Variants in PCDHGA9 observed in about 807,000 individuals in gnomAD.
PCDHGA9 encodes protocadherin gamma subfamily A, 9, also known as protocadherin gamma-A9.
A neutral mutation model predicts 62.5 loss-of-function variants in PCDHGA9; 37 were observed. The ratio of observed to expected loss-of-function variants is 0.59; its 90% CI spans 0.46 to 0.78. The LOEUF is 0.78. PCDHGA9 is among the 30% of genes least tolerant of loss of function. PCDHGA9 has a pLI of 0.00. For missense variants in PCDHGA9, 1,138 were observed against 1,166.2 expected (o/e 0.98, Z 0.35); for synonymous variants, 459 against 484.6 (o/e 0.95, Z 0.69).
At chr5:141,418,000 G>A (rs758811293) in intron 1 of PCDHGA9, 6 of 1,613,902 alleles carry the variant, frequency 3.7e-6, no homozygotes, top group Admixed American at 1.7e-5. Context: ...GCTCGGTGGT[G>A]GGGAACCTCG....
intron 1 of PCDHGA9, chr5:141,408,023 A>G (rs2095028170): frequency 1.9e-6 from 2 of 1,054,662 alleles, no homozygotes; most frequent in Middle Eastern, 3.2e-4. Context: ...CCAACAACAG[A>G]AAGAAGAAAA....
chr5:141,431,904 T>A lies in PCDHGA9; in HGVS notation c.2424+26528T>A. On this transcript the variant is annotated intron_variant, in intron 1 of 3. Transcript: ENST00000573521. The surrounding 1 kb of genome is among the most constrained non-coding windows in gnomAD (Gnocchi z 4.8). ...CAAGATTCTGAGGAAAACGGACAGG[T>A]GATCTGTTTCATCCAAGGAAATCTG... is the stretch of plus-strand genomic sequence containing the variant. 1 of 1,613,846 alleles carries A rather than the reference T, an allele frequency of 6.2e-7. No individual in the cohort carries two copies. Among genetic ancestry groups the A allele is most frequent in the Non-Finnish European group, 8.5e-7 (1 of 1,179,708 alleles).
At position 141,487,578 on chromosome 5, in the gene PCDHGA9, C is replaced by T. The variant is rs1293087014; in HGVS notation, c.2425-7229C>T. The T allele has an allele frequency of 1.2e-6, 2 of 1,614,052 alleles. No individual in the cohort carries two copies. Among genetic ancestry groups the T allele is most frequent in the Non-Finnish European group, 1.7e-6 (2 of 1,180,044 alleles). ...CCTATGGCAGGGGAGCCTGTTCGCC[C>T]AAGCTGCCCACCCTCTGATCTTCTC... On this transcript the variant is annotated intron_variant, in intron 1 of 3. Coordinates refer to ENST00000573521, the MANE Select transcript of PCDHGA9 (RefSeq NM_018921.3). The surrounding 1 kb of genome is among the most constrained non-coding windows in gnomAD (Gnocchi z 5.0).
intron 3 of PCDHGA9, among the ~76,000 whole-genome samples, chr5:141,509,045 GC>G (rs1165443091): frequency 6.6e-6 from 1 of 152,060 alleles, no homozygotes; most frequent in Non-Finnish European, 1.5e-5. Context: ...CCTCTCCCCC[GC>G]CCCCAGAAAG....
At chr5:141,416,406 T>A (rs2096021956) in intron 1 of PCDHGA9, 1 of 152,224 alleles carries the variant, frequency 6.6e-6, no homozygotes, top group Admixed American at 6.5e-5. Context: ...TTGTCTTTTT[T>A]GTTAAATTTT....
rs530404769 is a variant in PCDHGA9, at chr5:141,423,267, G to C, written c.2424+17891G>C. On this transcript the variant is annotated intron_variant, in intron 1 of 3. Coordinates refer to ENST00000573521, the MANE Select transcript of PCDHGA9 (RefSeq NM_018921.3). ...TCCTGGCGGACCTCGGCAGCCTCGA[G>C]TCTCTGGCTAACTCTGAAACCTCAG... The C allele has an allele frequency of 2.5e-6, 4 of 1,613,710 alleles. No individual in the cohort carries two copies. In the South Asian group the frequency reaches 4.4e-5, roughly 18 times the overall value.
intron 1 of PCDHGA9, among the ~76,000 whole-genome samples, chr5:141,456,266 C>G (rs1273258132): frequency 6.6e-6 from 1 of 152,128 alleles, no homozygotes; most frequent in Non-Finnish European, 1.5e-5. Context: ...TTGCTTCTGG[C>G]TACTTCCTGC....
intron 2 of PCDHGA9, among the ~76,000 whole-genome samples, chr5:141,496,733 C>A (rs1221912777): frequency 6.6e-6 from 1 of 152,138 alleles, no homozygotes; most frequent in Non-Finnish European, 1.5e-5. Context: ...TGTATTCATT[C>A]GTTCATTTAT....
At chr5:141,413,357 G>C in intron 1 of PCDHGA9, 1 of 1,613,992 alleles carries the variant, frequency 6.2e-7, no homozygotes, top group Non-Finnish European at 8.5e-7. Context: ...CTGGCGCCCC[G>C]GGAGCTGGCG....
At chr5:141,419,273 G>A (rs751868316) in intron 1 of PCDHGA9, 2 of 1,614,034 alleles carry the variant, frequency 1.2e-6, no homozygotes, top group South Asian at 1.1e-5. Flanking sequence ...TGCCTCCATA[G>A]CGCAAGTCAG....
chr5:141,495,973 A>T, intron 2 of PCDHGA9, among the ~76,000 whole-genome samples: 1 of 146,986 alleles, frequency 6.8e-6, no homozygotes, highest in Admixed American at 6.8e-5. Flanking sequence ...TTTCTCTGTT[A>T]CTCTTTCTTT....
intron 1 of PCDHGA9, chr5:141,409,728 C>G (rs13184503): frequency 6.2e-7 from 1 of 1,613,134 alleles, no homozygotes; most frequent in Admixed American, 1.7e-5. Flanking sequence ...TCAGTGAGCG[C>G]GCAGAGCGGG....
intron 1 of PCDHGA9, among the ~76,000 whole-genome samples, chr5:141,455,439 C>T (rs966470257): frequency 1.3e-5 from 2 of 152,126 alleles, no homozygotes; most frequent in East Asian, 1.9e-4. Context: ...AGGAGGTCCC[C>T]ATCTACCGCG....
chr5:141,433,850 A>C (rs899643386), intron 1 of PCDHGA9, among the ~76,000 whole-genome samples: 2 of 151,896 alleles, frequency 1.3e-5, no homozygotes, highest in East Asian at 3.9e-4. Flanking sequence ...AAAAAAAAAA[A>C]AAAAACTTTA....
At chr5:141,422,926 GC>G in intron 1 of PCDHGA9, 1 of 1,614,230 alleles carries the variant, frequency 6.2e-7, no homozygotes, top group Non-Finnish European at 8.5e-7. Flanking sequence ...CCTGTACCCT[GC>G]CCTCCCCACA....
At chr5:141,458,081 GTAAGT>G (rs2098936973) in intron 1 of PCDHGA9, among the ~76,000 whole-genome samples, 1 of 152,186 alleles carries the variant, frequency 6.6e-6, no homozygotes, top group Non-Finnish European at 1.5e-5. Context: ...CTATATTGCC[GTAAGT>G]TAAGAGTACT....
chr5:141,468,599 G>C (rs1055715232), intron 1 of PCDHGA9: 7 of 152,236 alleles, frequency 4.6e-5, no homozygotes, highest in African/African-American at 1.4e-4. Flanking sequence ...GGGCGCGGTG[G>C]CTCACGCCTG....
At chr5:141,471,263 C>T (rs2099253826) in intron 1 of PCDHGA9, 1 of 151,898 alleles carries the variant, frequency 6.6e-6, no homozygotes, top group African/African-American at 2.4e-5. Context: ...GTTGGCAAGG[C>T]TGGTCTCAAA....
At chr5:141,471,185 A>G (rs58340688) in intron 1 of PCDHGA9, 16,257 of 151,174 alleles carry the variant, frequency 0.11, 890 homozygotes, top group South Asian at 0.15. Context: ...TAGTAGCTGG[A>G]ATTACAGGCA....
Sources: gnomAD v4.1 joint callset for allele counts (sites outside exome capture counted in the v4.1 genomes callset) on GRCh38, gnomAD v4.1.1 for gene constraint, Gnocchi (gnomAD v3.1) non-coding constraint, MANE v1.5 for transcripts, NCBI Gene and HGNC (gene_info 2026-07-23, HGNC 2026-07-21) for gene names.